The following CCDC7 variants were observed in gnomAD, a reference collection of about 807,000 sequenced individuals.
CCDC7 encodes the protein coiled-coil domain containing 7.
CCDC7 carries 183 observed loss-of-function variants against 196.9 expected under a neutral mutation model. The ratio of observed to expected loss-of-function variants is 0.93; its 90% CI spans 0.82 to 1.05. The LOEUF is 1.05. CCDC7 is among the 50% of genes least tolerant of loss of function. The pLI, the probability that CCDC7 is intolerant of heterozygous loss-of-function variation, is 0.00. For missense variants in CCDC7, 1,540 were observed against 1,482.2 expected (o/e 1.04, Z -0.64); for synonymous variants, 525 against 484.6 (o/e 1.08, Z -1.10).
At chr10:32,769,330 C>A (rs2134034029) in intron 28 of CCDC7, among the ~76,000 whole-genome samples, 1 of 151,882 alleles carries the variant, frequency 6.6e-6, no homozygotes, top group East Asian at 1.9e-4. Context: ...TTTTAAATTT[C>A]TGTGGTATCA....
intron 2 of CCDC7, among the ~76,000 whole-genome samples, chr10:32,454,821 A>G (rs538829413): frequency 5.3e-4 from 81 of 151,872 alleles, no homozygotes; most frequent in Non-Finnish European, 1.0e-3. Context: ...TGTGGCCACC[A>G]CCTCCTGTCT....
chr10:32,625,759 TTCTGCTC>T (rs2063961331), intron 18 of CCDC7, among the ~76,000 whole-genome samples: 1 of 152,160 alleles, frequency 6.6e-6, no homozygotes. Flanking sequence ...GCAGCCCCCA[TTCTGCTC>T]TCTGCTTCTA....
At position 32,485,562 on chromosome 10, in the gene CCDC7, C is replaced by T. The variant is rs868435096; in HGVS notation, c.797-6360C>T. 1.6e-3 allele frequency among the ~76,000 whole-genome samples: 241 copies of T among 152,226 alleles called. 2 individuals carry two copies. The highest frequency in any genetic ancestry group is 4.3e-3 in the African/African-American group (177 of 41,534). On this transcript the variant is annotated intron_variant, in intron 8 of 41. Transcript: ENST00000639629. ...CTTTTGAATGTGTTTGCTCTTGCTT[C>T]TCTAGTTCTTTTAATTGTGATGTTA... is the stretch of plus-strand genomic sequence containing the variant.
chr10:32,550,636 T>C (rs1324895011), intron 13 of CCDC7, among the ~76,000 whole-genome samples: 3 of 152,200 alleles, frequency 2.0e-5, no homozygotes, highest in African/African-American at 7.2e-5. Flanking sequence ...GAATGATTTT[T>C]CTGCATCTAC....
At chr10:32,705,597 A>T (rs1159670715) in intron 24 of CCDC7, among the ~76,000 whole-genome samples, 3 of 152,138 alleles carry the variant, frequency 2.0e-5, no homozygotes, top group Non-Finnish European at 4.4e-5. Context: ...AGGCACACAT[A>T]GGCTCAAAAT....
intron 18 of CCDC7, among the ~76,000 whole-genome samples, chr10:32,627,713 T>TA (rs922611759): frequency 2.6e-5 from 4 of 151,770 alleles, no homozygotes; most frequent in South Asian, 4.1e-4. Flanking sequence ...AGTTTTTTTT[T>TA]AATCATGAAA....
In CCDC7 at chr10:32,596,478, T is replaced by G. The variant is rs186643716; in HGVS notation, c.1801+12174T>G. 8.7e-4 allele frequency among the ~76,000 whole-genome samples: 132 copies of G among 152,330 alleles called. 1 individual carries two copies. Among genetic ancestry groups the G allele is most frequent in the African/African-American group, 2.9e-3 (120 of 41,582 alleles). On this transcript the variant is annotated intron_variant, in intron 18 of 41. Coordinates refer to ENST00000639629, the Ensembl canonical transcript of CCDC7. The stretch of plus-strand genomic sequence containing the variant: ...AATACAGCACACTGAGGGTGTTGAC[T>G]CTATCCAATTTGCCTGTTTGTGTCT...
chr10:32,652,729 T>C (rs2068998012), intron 20 of CCDC7, among the ~76,000 whole-genome samples: 1 of 152,076 alleles, frequency 6.6e-6, no homozygotes, highest in Admixed American at 6.5e-5. Context: ...CTTTTAGATA[T>C]CTCAATTTCT....
At chr10:32,537,854 G>A (rs773473952) in intron 11 of CCDC7, among the ~76,000 whole-genome samples, 2 of 152,046 alleles carry the variant, frequency 1.3e-5, no homozygotes, top group Admixed American at 6.6e-5. Flanking sequence ...TGGCCTAGGT[G>A]TCTGTTTTTG....
At chr10:32,566,848 G>A (rs2056869793) in intron 14 of CCDC7, among the ~76,000 whole-genome samples, 1 of 146,518 alleles carries the variant, frequency 6.8e-6, no homozygotes, top group Admixed American at 6.9e-5. Context: ...GGAGACTAGA[G>A]GTTGCAAAAA....
At chr10:32,571,695 T>C (rs905514377) in intron 15 of CCDC7, among the ~76,000 whole-genome samples, 164 bp from the exon 17 acceptor site, 9 of 152,140 alleles carry the variant, frequency 5.9e-5, no homozygotes, top group Admixed American at 4.6e-4. Flanking sequence ...TTCTATAATG[T>C]CTCTTCCAAT....
intron 8 of CCDC7, among the ~76,000 whole-genome samples, chr10:32,483,629 G>T (rs1372692026): frequency 6.6e-6 from 1 of 152,170 alleles, no homozygotes; most frequent in Non-Finnish European, 1.5e-5. Context: ...ATGGTTTCAG[G>T]TCTAACATTT....
At chr10:32,847,143 A>G (rs2093332327) in intron 37 of CCDC7, among the ~76,000 whole-genome samples, 1 of 152,214 alleles carries the variant, frequency 6.6e-6, no homozygotes, top group Admixed American at 6.5e-5. Flanking sequence ...CTTGGAGAGC[A>G]GCAGTAGCAC....
intron 18 of CCDC7, among the ~76,000 whole-genome samples, chr10:32,596,265 A>G (rs2060341915): frequency 6.6e-6 from 1 of 152,280 alleles, no homozygotes; most frequent in African/African-American, 2.4e-5. Flanking sequence ...TTCTTGTTGC[A>G]TTGATCCCTT....
At chr10:32,882,532 A>G (rs1370793829) in intron 22 of CCDC7, among the ~76,000 whole-genome samples, 161 bp from the exon 44 acceptor site, 17 of 152,170 alleles carry the variant, frequency 1.1e-4, no homozygotes, top group Non-Finnish European at 1.5e-5. Flanking sequence ...TTTTGAAAAG[A>G]GCTCTAGATA....
At chr10:32,645,730 G>A (rs1209626762) in intron 20 of CCDC7, among the ~76,000 whole-genome samples, 5 of 151,828 alleles carry the variant, frequency 3.3e-5, no homozygotes, top group Non-Finnish European at 4.4e-5. Context: ...TTATTGGTGT[G>A]TTGAGATTTT....
chr10:32,628,623 T>C (rs1391539888), intron 18 of CCDC7, among the ~76,000 whole-genome samples: 1 of 152,078 alleles, frequency 6.6e-6, no homozygotes, highest in African/African-American at 2.4e-5. Flanking sequence ...TTTTTTGATA[T>C]AGACATTTAT....
At chr10:32,832,040 T>A (rs74323770) in intron 32 of CCDC7, among the ~76,000 whole-genome samples, 4,268 of 152,240 alleles carry the variant, frequency 0.028, 217 homozygotes, top group African/African-American at 0.097. Context: ...CATTAAGATG[T>A]TACAATGGTT....
intron 22 of CCDC7, among the ~76,000 whole-genome samples, chr10:32,688,337 G>A (rs990035006): frequency 2.6e-5 from 4 of 152,046 alleles, no homozygotes; most frequent in African/African-American, 9.7e-5. Flanking sequence ...TCATGCCAGG[G>A]ACATATTTAG....
Sources: gnomAD v4.1 joint callset for allele counts (sites outside exome capture counted in the v4.1 genomes callset) on GRCh38, gnomAD v4.1.1 for gene constraint, MANE v1.5 for transcripts, NCBI Gene and HGNC (gene_info 2026-07-23, HGNC 2026-07-21) for gene names.